UBAP2: variants seen among roughly 807,000 people sequenced by gnomAD.
UBAP2 encodes ubiquitin-associated protein 2.
In UBAP2, 75 loss-of-function variants were observed where a neutral mutation model predicts 139.6. That is an observed-to-expected ratio of 0.54 (90% CI 0.45 to 0.65). UBAP2 has a LOEUF of 0.65. UBAP2 is among the 30% of genes least tolerant of loss of function. The pLI is 0.00. For missense variants in UBAP2, 1,368 were observed against 1,369.6 expected (o/e 1.00, Z 0.02); for synonymous variants, 526 against 526.2 (o/e 1.00, Z 0.01).
chr9:34,014,562 G>C (rs1160593769), intron 2 of UBAP2, among the ~76,000 whole-genome samples: 1 of 151,864 alleles, frequency 6.6e-6, no homozygotes, highest in African/African-American at 2.4e-5. Context: ...CCAGGAGGCG[G>C]AGGTTGCTGT....
chr9:33,939,206 T>TTTTTTC (rs575154458), intron 16 of UBAP2, among the ~76,000 whole-genome samples: 7,727 of 138,202 alleles, frequency 0.056, 413 homozygotes, highest in Non-Finnish European at 0.096. Flanking sequence ...TTTTTTTTTT[T>TTTTTTC]TTTTTGAGAT....
At chr9:33,932,829 G>T (rs909516293) in intron 18 of UBAP2, among the ~76,000 whole-genome samples, 10 of 152,204 alleles carry the variant, frequency 6.6e-5, no homozygotes, top group African/African-American at 2.4e-4. Context: ...ATGAGGTCTG[G>T]AAAACTCCAG....
At chr9:33,993,241 T>C (rs1455651198) in intron 4 of UBAP2, among the ~76,000 whole-genome samples, 1 of 152,154 alleles carries the variant, frequency 6.6e-6, no homozygotes, top group Non-Finnish European at 1.5e-5. Context: ...GGTTAGATAA[T>C]AGGAAAAGAA....
intron 19 of UBAP2, chr9:33,928,503 G>C (rs1823679325): frequency 6.5e-6 from 1 of 153,470 alleles, no homozygotes; most frequent in Non-Finnish European, 1.5e-5. Context: ...AGGAGGCTGA[G>C]AGAGGCCTTT....
intron 1 of UBAP2, among the ~76,000 whole-genome samples, chr9:34,034,887 CAA>C (rs56178729): frequency 2.0e-5 from 3 of 151,238 alleles, no homozygotes; most frequent in African/African-American, 2.4e-5. Flanking sequence ...AACAAACAAA[CAA>C]AAAAAAAACG....
At chr9:34,043,214 C>T (rs945760797) in intron 1 of UBAP2, among the ~76,000 whole-genome samples, 12 of 152,118 alleles carry the variant, frequency 7.9e-5, no homozygotes, top group African/African-American at 1.2e-4. Context: ...GTCTGTCACC[C>T]AGGCTGAAGT....
chr9:33,932,492 C>G, intron 19 of UBAP2, 70 bp downstream of exon 19: 1 of 1,571,014 alleles, frequency 6.4e-7, no homozygotes, highest in Non-Finnish European at 8.7e-7. Flanking sequence ...ACTGAAGCCC[C>G]AGCTGCATGT....
intron 1 of UBAP2, among the ~76,000 whole-genome samples, chr9:34,039,281 C>A (rs1826813135): frequency 6.6e-6 from 1 of 151,394 alleles, no homozygotes; most frequent in Non-Finnish European, 1.5e-5. Flanking sequence ...GTGGGGGGGG[C>A]GCCTCTGCCC....
chr9:33,993,380 G>A (rs1238264677), intron 4 of UBAP2, among the ~76,000 whole-genome samples: 1 of 152,200 alleles, frequency 6.6e-6, no homozygotes, highest in East Asian at 1.9e-4. Context: ...GCTGCAGATG[G>A]CAACTAGGTA....
chr9:33,967,952 T>G (rs748565824), intron 8 of UBAP2: 29 of 221,036 alleles, frequency 1.3e-4, no homozygotes, highest in Non-Finnish European at 2.8e-5. Flanking sequence ...TCACTACATA[T>G]TTCTTTACTG....
chr9:34,026,241 C>A (rs1825391896), intron 1 of UBAP2, among the ~76,000 whole-genome samples: 1 of 152,160 alleles, frequency 6.6e-6, no homozygotes, highest in South Asian at 2.1e-4. Context: ...ACTTACACTG[C>A]ATGTATTTAA....
chr9:34,037,416 A>G (rs952586946), intron 1 of UBAP2, among the ~76,000 whole-genome samples: 2 of 152,000 alleles, frequency 1.3e-5, no homozygotes, highest in Non-Finnish European at 2.9e-5. Flanking sequence ...ATTACAGGAG[A>G]GAGCCACTGC....
At chr9:34,007,407 G>T (rs1013718854) in intron 2 of UBAP2, among the ~76,000 whole-genome samples, 1 of 151,410 alleles carries the variant, frequency 6.6e-6, no homozygotes, top group African/African-American at 2.4e-5. Context: ...GAGGCAGAAG[G>T]ATCTCTTGAG....
rs999353701 is a variant in UBAP2 at position 33,927,780 on chromosome 9, G to C, written c.2371+17C>G. 1 of 1,595,280 alleles carries C rather than the reference G, an allele frequency of 6.3e-7. No individual in the cohort carries two copies. The highest frequency in any genetic ancestry group is 8.5e-7 in the Non-Finnish European group (1 of 1,172,600). On this transcript the variant is annotated intron_variant, in intron 20 of 28. Coordinates refer to ENST00000379238, the MANE Select transcript of UBAP2 (RefSeq NM_001370062.2). ...AGGGGCTCAGGGGTGGGCAGGAAAG[G>C]CCTCTGGAGCAAATACCTGAGGTCA...
intron 1 of UBAP2, among the ~76,000 whole-genome samples, chr9:34,040,740 T>G (rs1217806823): frequency 6.6e-6 from 1 of 152,224 alleles, no homozygotes; most frequent in African/African-American, 2.4e-5. Flanking sequence ...CCACTCAGTC[T>G]TTGAGAATGA....
At chr9:34,012,123 T>TTA (rs1457706948) in intron 2 of UBAP2, among the ~76,000 whole-genome samples, 1 of 152,218 alleles carries the variant, frequency 6.6e-6, no homozygotes, top group Non-Finnish European at 1.5e-5. Context: ...TCAAATATTC[T>TTA]TATAATCACT....
chr9:33,955,234 G>C (rs1826450891), intron 11 of UBAP2, among the ~76,000 whole-genome samples: 1 of 150,756 alleles, frequency 6.6e-6, no homozygotes, highest in Non-Finnish European at 1.5e-5. Context: ...CATTAAAAAA[G>C]TTTAGGCCAG....
chr9:34,028,445 C>A (rs1446223547), intron 1 of UBAP2, among the ~76,000 whole-genome samples: 1 of 151,624 alleles, frequency 6.6e-6, no homozygotes, highest in Non-Finnish European at 1.5e-5. Context: ...AGTGGCGCAA[C>A]ACTGGCTCAC....
intron 1 of UBAP2, among the ~76,000 whole-genome samples, chr9:34,019,432 A>G (rs1824702234): frequency 6.6e-6 from 1 of 152,068 alleles, no homozygotes. Flanking sequence ...GACAAATACT[A>G]CATGACTCTA....
Sources: allele counts gnomAD v4.1 joint callset (sites outside exome capture counted in the v4.1 genomes callset), GRCh38; gene constraint gnomAD v4.1.1; transcripts MANE v1.5; gene names NCBI Gene and HGNC (gene_info 2026-07-23, HGNC 2026-07-21).